ZNF444: variants seen among roughly 807,000 people sequenced by gnomAD.
ZNF444 encodes endothelial zinc finger protein 2.
ZNF444 carries 8 observed loss-of-function variants against 14.4 expected under a neutral mutation model. That is an observed-to-expected ratio of 0.56 (90% CI 0.33 to 1.00). The LOEUF (loss-of-function observed/expected upper bound fraction) is 1.00. Among genes scored for constraint, ZNF444 ranks in the 50% least tolerant of loss-of-function variants. The pLI is 0.03. For missense variants in ZNF444, 510 were observed against 504.8 expected, an observed-to-expected ratio of 1.01 and a Z score of -0.10; for synonymous variants, 258 against 235.9, an observed-to-expected ratio of 1.09 and a Z score of -0.86.
chr19:56,141,726 G>A (rs1456646749), intron 1 of ZNF444: 2 of 150,498 alleles, frequency 1.3e-5, no homozygotes, highest in Non-Finnish European at 3.0e-5. Flanking sequence ...GCTGTGAGAT[G>A]AAAGCTGAGT....
At chr19:56,149,544 T>C (rs1425474005) in intron 3 of ZNF444, among the ~76,000 whole-genome samples, 9 of 152,222 alleles carry the variant, frequency 5.9e-5, no homozygotes, top group Non-Finnish European at 1.3e-4. Context: ...GTTTGTTACA[T>C]GTGCCATGAA....
chr19:56,148,890 A>G (rs1199983037), intron 3 of ZNF444, among the ~76,000 whole-genome samples: 1 of 152,170 alleles, frequency 6.6e-6, no homozygotes, highest in Non-Finnish European at 1.5e-5. Flanking sequence ...TGTCATCTGC[A>G]GAGCCACGTC....
intron 4 of ZNF444, 137 bp downstream of exon 4, chr19:56,158,739 C>T (rs2032062655): frequency 2.6e-6 from 2 of 755,768 alleles, no homozygotes; most frequent in Admixed American, 6.8e-5. Flanking sequence ...GGGTTCGGAC[C>T]CAAGGGGCGG....
chr19:56,136,143 C>G (rs1202922877), intron 1 of ZNF444, among the ~76,000 whole-genome samples: 1 of 150,562 alleles, frequency 6.6e-6, no homozygotes, highest in African/African-American at 2.4e-5. Flanking sequence ...CCCTTGGGCC[C>G]TTATTAACCA....
Position 56,146,945 on chromosome 19 carries a change from G to A in ZNF444, c.34G>A (p.Glu12Lys). Residue 12 changes from glutamate to lysine, a missense_variant, in exon 3 of 5, where the codon GAG becomes AAG. Coordinates refer to ENST00000337080, the MANE Select transcript of ZNF444 (RefSeq NM_018337.4). ...GGCGGTGCCCGTGAAGCAGGAGGCC[G>A]AGGGCCTGGCGCTGGACTCCCCGTG... is the stretch of plus-strand genomic sequence containing the variant. ...EVAVPVKQEA[E>K]GLALDSPWHR... 2 of 1,444,866 alleles carry A rather than the reference G, an allele frequency of 1.4e-6. No homozygotes were observed. Among genetic ancestry groups the A allele is most frequent in the Non-Finnish European group, 1.8e-6 (2 of 1,108,930 alleles). 89.5% of individuals were successfully genotyped at this position (1,444,866 alleles called of 1,614,324 possible). A position where few individuals can be genotyped will look rare whatever the true frequency, so the allele number is the denominator to read the frequency against.
upstream of ZNF444, among the ~76,000 whole-genome samples, chr19:56,136,680 G>A (rs1022112194): frequency 5.9e-5 from 9 of 152,236 alleles, no homozygotes; most frequent in Admixed American, 5.2e-4. Flanking sequence ...CCGATGCATA[G>A]GAGTGCGCCT....
intron 2 of ZNF444, 45 bp from the exon 3 acceptor site, chr19:56,146,845 G>T (rs1311064272): frequency 1.5e-6 from 2 of 1,303,308 alleles, no homozygotes; most frequent in Non-Finnish European, 2.0e-6. Context: ...GGCACCGCGG[G>T]CAGGGTCTCG....
chr19:56,139,575 A>C (rs1410038736), upstream of ZNF444, among the ~76,000 whole-genome samples: 6 of 152,100 alleles, frequency 3.9e-5, 1 homozygote, highest in South Asian at 1.2e-3. Flanking sequence ...AGTCCTGGCT[A>C]CTCAGGAGGA....
intron 3 of ZNF444, among the ~76,000 whole-genome samples, chr19:56,153,006 T>C (rs1464821894): frequency 6.6e-6 from 1 of 152,176 alleles, no homozygotes; most frequent in Non-Finnish European, 1.5e-5. Flanking sequence ...GATTCCTTCA[T>C]GTTAGTCTGG....
rs2123487852 is a variant in ZNF444, at chr19:56,147,340, G to A, written c.297+132G>A. The A allele has an allele frequency of 9.1e-7, 1 of 1,094,720 alleles. No homozygotes were observed. Among genetic ancestry groups the A allele is most frequent in the Admixed American group, 3.6e-5 (1 of 27,442 alleles). The allele number at this position is 1,094,720 out of a possible 1,614,324, so 67.8% of individuals were successfully genotyped here. A position where few individuals can be genotyped will look rare whatever the true frequency, so the allele number is the denominator to read the frequency against. ...CTCGCGGTGGGGAGGCTGCGGTACA[G>A]GCTGCGGTACAGCGTGGAGGGACAG... On this transcript the variant is annotated intron_variant, in intron 3 of 4. Coordinates refer to ENST00000337080, the MANE Select transcript of ZNF444 (RefSeq NM_018337.4). The surrounding 1 kb of genome is among the most constrained non-coding windows in gnomAD (Gnocchi z 5.9).
chr19:56,139,332 G>C (rs148716734), upstream of ZNF444, among the ~76,000 whole-genome samples: 67 of 152,216 alleles, frequency 4.4e-4, no homozygotes, highest in African/African-American at 1.6e-3. Context: ...GACAGATTCT[G>C]CATCTATTTT....
At chr19:56,133,726 T>C (rs1299811491) in intron 1 of ZNF444, among the ~76,000 whole-genome samples, 2 of 146,842 alleles carry the variant, frequency 1.4e-5, no homozygotes, top group Non-Finnish European at 1.5e-5. Flanking sequence ...GGCAGGAGAA[T>C]GGCGTGAACC....
At chr19:56,132,622 C>G (rs1286336522) in exon 1 of ZNF444, 1 of 152,238 alleles carries the variant, frequency 6.6e-6, no homozygotes, top group Non-Finnish European at 1.5e-5. Flanking sequence ...AATCTCCAAC[C>G]GGAGAGATTT....
intron 1 of ZNF444, among the ~76,000 whole-genome samples, chr19:56,132,931 C>CTT (rs1488948457): frequency 0.014 from 521 of 37,992 alleles, 1 homozygote; most frequent in Non-Finnish European, 0.031. Flanking sequence ...TTCTTTCTTT[C>CTT]TTTCTTTTTT....
upstream of ZNF444, among the ~76,000 whole-genome samples, chr19:56,136,804 G>T (rs184263067): frequency 6.6e-6 from 1 of 151,892 alleles, no homozygotes; most frequent in African/African-American, 2.4e-5. Context: ...TTTTTTAGAC[G>T]GAGTTTCACT....
rs113046966 is a variant in ZNF444 at position 56,147,097 on chromosome 19, G to A, written c.186G>A (p.Leu62=). 32 of 1,587,992 alleles carry A rather than the reference G, an allele frequency of 2.0e-5. No homozygotes were observed. Among genetic ancestry groups the A allele is most frequent in the Admixed American group, 1.4e-4 (8 of 57,440 alleles). Residue 62 remains leucine, a synonymous_variant, in exon 3 of 5, where the codon CTG becomes CTA. Transcript: ENST00000337080. This position sits in a 1 kb window ranked among gnomAD's most constrained non-coding sequence, Gnocchi z 5.9. ...ACACCAAGGAGCAGATGTTGGAGCT[G>A]CTGGTGCTGGAACAGTTCCTGAGCG... ...EVHTKEQMLE[L]LVLEQFLSAL...
At chr19:56,140,379 A>G (rs1386869954), upstream of ZNF444, among the ~76,000 whole-genome samples, 1 of 152,094 alleles carries the variant, frequency 6.6e-6, no homozygotes, top group East Asian at 1.9e-4. Flanking sequence ...AAATCCAAAT[A>G]TGCTTCTTCA....
At position 56,160,294 on chromosome 19, in the gene ZNF444, C is replaced by G. The variant is rs2032214014; in HGVS notation, c.*93C>G. 5.7e-6 allele frequency: 6 copies of G among 1,053,708 alleles called. No homozygotes were observed. Among genetic ancestry groups the G allele is most frequent in the South Asian group, 3.8e-5 (2 of 52,336 alleles). 65.3% of individuals were successfully genotyped at this position (1,053,708 alleles called of 1,614,324 possible). A position where few individuals can be genotyped will look rare whatever the true frequency, so the allele number is the denominator to read the frequency against. ...CGCCACTTGGCCTCTTCCTCTCCTC[C>G]TTCCCTCCCATCGTCCTCCTCCACC... is the stretch of plus-strand genomic sequence containing the variant. On this transcript the variant is annotated 3_prime_UTR_variant, in exon 5 of 5. Transcript: ENST00000337080.
chr19:56,134,651 A>G (rs2030570923), intron 1 of ZNF444, among the ~76,000 whole-genome samples: 1 of 152,134 alleles, frequency 6.6e-6, no homozygotes, highest in African/African-American at 2.4e-5. Flanking sequence ...GGACATTTCC[A>G]GGAAGTCGTT....
Sources: gnomAD v4.1 joint callset for allele counts (sites outside exome capture counted in the v4.1 genomes callset) on GRCh38, gnomAD v4.1.1 for gene constraint, Gnocchi (gnomAD v3.1) non-coding constraint, MANE v1.5 for transcripts, NCBI Gene and HGNC (gene_info 2026-07-23, HGNC 2026-07-21) for gene names.